The following TRIOBP variants were observed in gnomAD, a reference collection of about 807,000 sequenced individuals.
TRIOBP encodes the protein TRIO and F-actin-binding protein.
In TRIOBP, 169 loss-of-function variants were observed where a neutral mutation model predicts 238.8. The observed-to-expected ratio is 0.71, with a 90% confidence interval of 0.62 to 0.80. The LOEUF is 0.80. TRIOBP is among the 30% of genes least tolerant of loss of function. The probability of loss-of-function intolerance (pLI) is 0.00; values close to 1 mark genes in which losing one functional copy is unlikely to be tolerated. For synonymous variants in TRIOBP, 1,150 were observed against 1,274.4 expected (o/e 0.90, Z 2.08); for missense variants, 2,838 against 3,122.6 (o/e 0.91, Z 2.17).
Position 37,721,106 on chromosome 22 carries a change from T to G in TRIOBP, c.629-2079T>G, listed in dbSNP as rs188780414. ...GGCTGGTATCGATCTCCTGACCTTG[T>G]GATCCGCCCGCCTCGGCCTCCCAAA... On this transcript the variant is annotated intron_variant, in intron 6 of 23. Transcript: ENST00000644935. 9.6e-3 allele frequency among the ~76,000 whole-genome samples: 1,448 copies of G among 151,582 alleles called. 23 individuals carry two copies. Among genetic ancestry groups the G allele is most frequent in the African/African-American group, 0.034 (1,393 of 41,252 alleles).
In TRIOBP at chr22:37,726,257, C is replaced by A. The variant is rs749795983; in HGVS notation, c.3701C>A (p.Pro1234His). ...PRASSPPRHP[P>H]SDLAFLAPSP... ...GCCTCCTCCCCACCCCGCCACCCAC[C>A]CAGTGACCTAGCGTTCCTGGCACCC... The change falls in exon 7 of 24, where the codon CCC (proline) becomes CAC (histidine). Residue 1234 changes from proline to histidine, a missense_variant. Transcript: ENST00000644935. The A allele has an allele frequency of 1.2e-6, 2 of 1,612,682 alleles. No individual in the cohort carries two copies. Among genetic ancestry groups the A allele is most frequent in the African/African-American group, 2.7e-5 (2 of 74,944 alleles).
At chr22:37,743,918 G>A (rs1925087782) in intron 11 of TRIOBP, among the ~76,000 whole-genome samples, 1 of 149,324 alleles carries the variant, frequency 6.7e-6, no homozygotes, top group East Asian at 2.0e-4. Context: ...GAAGAGAAGT[G>A]TTCCAGGCAC....
chr22:37,763,868 G>C (rs1013153506), intron 17 of TRIOBP, among the ~76,000 whole-genome samples: 1 of 152,214 alleles, frequency 6.6e-6, no homozygotes, highest in African/African-American at 2.4e-5. Flanking sequence ...GCCAAGGCGT[G>C]GGCAGGACTG....
chr22:37,719,988 TC>T (rs71324872), intron 6 of TRIOBP, among the ~76,000 whole-genome samples: 10 of 30,888 alleles, frequency 3.2e-4, no homozygotes, highest in Non-Finnish European at 5.4e-4. Flanking sequence ...GTTTCACTCA[TC>T]CCCCCCCGCC....
chr22:37,734,997 G>T lies in TRIOBP; in HGVS notation c.4661G>T (p.Arg1554Leu). The change falls in exon 9 of 24, where the codon CGA (arginine) becomes CTA (leucine). Residue 1554 changes from arginine (R) to leucine (L), a missense_variant. This residue lies in a region of TRIOBP where 2,096 missense variants were observed against 2,137.4 expected (regional missense o/e 0.98). Transcript: ENST00000644935. ...ACPYPRGSERRPELDWRDLLG... is the reference protein window; with the variant it reads ...ACPYPRGSERLPELDWRDLLG... The stretch of plus-strand genomic sequence containing the variant: ...CCATACCCGCGTGGCTCTGAGAGGC[G>T]ACCCGAGCTTGACTGGAGGGATCTG... The T allele has an allele frequency of 1.2e-6, 2 of 1,613,258 alleles. No homozygotes were observed. The highest frequency in any genetic ancestry group is 1.7e-6 in the Non-Finnish European group (2 of 1,179,798).
intron 3 of TRIOBP, among the ~76,000 whole-genome samples, chr22:37,703,436 AC>A (rs1922763145): frequency 1.3e-5 from 2 of 150,818 alleles, no homozygotes; most frequent in Admixed American, 1.3e-4. Flanking sequence ...GGACTCACGA[AC>A]CTCCGAGGGC....
chr22:37,709,533 G>A (rs75097033), intron 3 of TRIOBP, among the ~76,000 whole-genome samples: 6,956 of 152,296 alleles, frequency 0.046, 175 homozygotes, highest in South Asian at 0.094. Context: ...GCCCCCCGGG[G>A]ACGAGGGTGC....
chr22:37,737,475 C>T (rs1381628549), intron 9 of TRIOBP, among the ~76,000 whole-genome samples: 1 of 151,962 alleles, frequency 6.6e-6, no homozygotes, highest in African/African-American at 2.4e-5. Flanking sequence ...GCCTGGCTAA[C>T]ACGGTGGAAC....
At position 37,725,421 on chromosome 22, in the gene TRIOBP, A is replaced by G; in HGVS notation, c.2865A>G (p.Pro955=). 1 of 1,610,428 alleles carries G rather than the reference A, an allele frequency of 6.2e-7. No homozygotes were observed. Among genetic ancestry groups the G allele is most frequent in the South Asian group, 1.1e-5 (1 of 90,828 alleles). ...DRPQTSSPSR[P]AQHDPPQSSF... ...CTCAGACATCCTCTCCCAGCAGGCC[A>G]GCCCAGCATGACCCACCCCAGTCCT... Residue 955 remains proline (P), a synonymous_variant, in exon 7 of 24, where the codon CCA becomes CCG. Transcript: ENST00000644935.
In TRIOBP at chr22:37,723,733, C is replaced by T. The variant is rs1219938529; in HGVS notation, c.1177C>T (p.Pro393Ser). The T allele has an allele frequency of 1.9e-6, 3 of 1,592,326 alleles. No homozygotes were observed. The highest frequency in any genetic ancestry group is 2.2e-5 in the South Asian group (2 of 90,324). Residue 393 changes from proline to serine, a missense_variant, in exon 7 of 24, where the codon CCC becomes TCC. Transcript: ENST00000644935. Reference protein sequence around the residue: ...VQQDDPRASSPNRTTQRENSR... With the variant: ...VQQDDPRASSSNRTTQRENSR... ...GCAGGACGATCCCAGAGCCTCCTCT[C>T]CCAACAGAACCACTCAACGAGAGAA... is the stretch of plus-strand genomic sequence containing the variant.
chr22:37,750,034 T>C (rs1340905148), intron 11 of TRIOBP, among the ~76,000 whole-genome samples: 1 of 152,184 alleles, frequency 6.6e-6, no homozygotes, highest in East Asian at 1.9e-4. Flanking sequence ...ATGTGATGTG[T>C]CTGTACTGGG....
Position 37,734,507 on chromosome 22 carries a change from G to T in TRIOBP, c.4171G>T (p.Gly1391Trp). 6.2e-7 allele frequency: 1 copy of T among 1,608,538 alleles called. No individual in the cohort carries two copies. Among genetic ancestry groups the T allele is most frequent in the Non-Finnish European group, 8.5e-7 (1 of 1,178,094 alleles). ...ACCTGAGGGAGATCGGCAGCTCCAG[G>T]GGTCCCCGCTGCCCCCCAGGACATC... ...KRPEGDRQLQGSPLPPRTSAR... is the reference protein window; with the variant it reads ...KRPEGDRQLQWSPLPPRTSAR... The change falls in exon 9 of 24, where the codon GGG (glycine) becomes TGG (tryptophan). Residue 1391 changes from glycine (G) to tryptophan (W), a missense_variant. This residue lies in a region of TRIOBP where 2,096 missense variants were observed against 2,137.4 expected (regional missense o/e 0.98). Transcript: ENST00000644935.
At chr22:37,746,508 C>T in intron 11 of TRIOBP, 1 of 1,156,518 alleles carries the variant, frequency 8.6e-7, no homozygotes, top group Non-Finnish European at 1.1e-6. Context: ...TCCGGGGCAG[C>T]CCCCTCCTCA....
chr22:37,717,804 A>G (rs1358338946), intron 6 of TRIOBP, among the ~76,000 whole-genome samples: 1 of 152,230 alleles, frequency 6.6e-6, no homozygotes, highest in South Asian at 2.1e-4. Flanking sequence ...CTGGGGCTGC[A>G]GGTGGAGCTG....
chr22:37,731,560 G>A lies in TRIOBP; in HGVS notation c.3948-1738G>A, dbSNP rs1416398919. ...CAACCTCCACCTCCTGGGGTCAAGC[G>A]ATCCTCCTGCCTCAGCCTCCTGAGT... On this transcript the variant is annotated intron_variant, in intron 7 of 23. Transcript: ENST00000644935. Among the ~76,000 whole-genome samples, 5 of 152,188 alleles carry A rather than the reference G, an allele frequency of 3.3e-5. No homozygotes were observed. In the East Asian group the frequency reaches 9.7e-4, roughly 29 times the overall value.
intron 6 of TRIOBP, among the ~76,000 whole-genome samples, chr22:37,717,747 C>T (rs893716652): frequency 1.3e-5 from 2 of 152,224 alleles, no homozygotes; most frequent in Non-Finnish European, 2.9e-5. Context: ...TCTCCAAGTT[C>T]CCACTACACT....
chr22:37,772,508 G>T (rs1333633024), intron 22 of TRIOBP, 93 bp from the exon 23 acceptor site: 2 of 1,575,122 alleles, frequency 1.3e-6, no homozygotes, highest in Non-Finnish European at 1.7e-6. Context: ...AGGTATCTGC[G>T]GGGAGGTCTG....
chr22:37,743,801 ATGTGTGTGTGTGTGTGTGTGTGTGTG>A (rs71195050), intron 11 of TRIOBP, among the ~76,000 whole-genome samples: 6 of 114,098 alleles, frequency 5.3e-5, no homozygotes, highest in East Asian at 2.6e-4. Flanking sequence ...GAGAGAGAGA[ATGTGTGTGTGTGTGTGTGTGTGTGTG>A]TGTGTGTGTG....
chr22:37,754,882 C>T lies in TRIOBP; in HGVS notation c.5385C>T (p.Pro1795=). 6.2e-7 allele frequency: 1 copy of T among 1,614,158 alleles called. No homozygotes were observed. The highest frequency in any genetic ancestry group is 8.5e-7 in the Non-Finnish European group (1 of 1,180,016). The part of the protein sequence containing the change: ...MSILDEPGEP[P]SPSLTTTSTS... ...TCATTCCATCCTCCTTGCAGCCTCC[C>T]TCCCCCTCGCTCACCACCACCTCTA... The change falls in exon 13 of 24, where the codon CCC becomes CCT. Residue 1795 remains proline, a synonymous_variant. Coordinates refer to ENST00000644935, the MANE Select transcript of TRIOBP (RefSeq NM_001039141.3).
Sources: allele counts gnomAD v4.1 joint callset (sites outside exome capture counted in the v4.1 genomes callset), GRCh38; gene constraint gnomAD v4.1.1; regional missense constraint gnomAD v4.1.1; transcripts MANE v1.5; gene names NCBI Gene and HGNC (gene_info 2026-07-23, HGNC 2026-07-21).